The following THSD7B variants were observed in gnomAD, a reference collection of about 807,000 sequenced individuals.
The protein encoded by THSD7B is thrombospondin type 1 domain containing 7B.
In THSD7B, 138 loss-of-function variants were observed where a neutral mutation model predicts 213.6. The observed-to-expected ratio is 0.65, with a 90% confidence interval of 0.56 to 0.74. The LOEUF (loss-of-function observed/expected upper bound fraction) is 0.74, where lower values mean the gene tolerates loss of function less well. Among genes scored for constraint, THSD7B ranks in the 30% least tolerant of loss-of-function variants. THSD7B has a pLI of 0.00. For synonymous variants in THSD7B, 742 were observed against 687.0 expected, an observed-to-expected ratio of 1.08 and a Z score of -1.25; for missense variants, 1,931 against 1,991.5, an observed-to-expected ratio of 0.97 and a Z score of 0.58.
At chr2:137,586,912 A>T (rs1681744747) in intron 17 of THSD7B, among the ~76,000 whole-genome samples, 1 of 152,180 alleles carries the variant, frequency 6.6e-6, no homozygotes, top group Non-Finnish European at 1.5e-5. Context: ...GTTCTCCTGG[A>T]AAATATCCTG....
rs202221814 is a variant in THSD7B, at chr2:137,054,932, GC to G, written c.140-1482del. 5.6e-3 allele frequency among the ~76,000 whole-genome samples: 856 copies of G among 151,986 alleles called. 10 individuals carry two copies. The highest frequency in any genetic ancestry group is 0.024 in the Middle Eastern group (7 of 294). Reference sequence around the variant, plus strand: ...TCGTCTTAATGCTCTCCCCACCCTTGCCCCCCATACCACGACAGGCCCTGGT... The same window carrying G: ...TCGTCTTAATGCTCTCCCCACCCTTGCCCCCATACCACGACAGGCCCTGGT... On this transcript the variant is annotated intron_variant, in intron 2 of 27. Coordinates refer to ENST00000409968, the MANE Select transcript of THSD7B (RefSeq NM_001316349.2).
chr2:136,953,803 G>C (rs910916792), intron 2 of THSD7B, among the ~76,000 whole-genome samples: 1 of 152,112 alleles, frequency 6.6e-6, no homozygotes, highest in Non-Finnish European at 1.5e-5. Flanking sequence ...TCTCCTTTTA[G>C]GGTCTCATGG....
intron 2 of THSD7B, among the ~76,000 whole-genome samples, chr2:136,969,242 T>C (rs1473275841): frequency 6.6e-6 from 1 of 152,202 alleles, no homozygotes; most frequent in Admixed American, 6.5e-5. Flanking sequence ...GAAATCTAGC[T>C]TATCCTCAAG....
At chr2:137,293,640 A>G (rs1017931969) in intron 12 of THSD7B, among the ~76,000 whole-genome samples, 2 of 152,028 alleles carry the variant, frequency 1.3e-5, no homozygotes, top group African/African-American at 2.4e-5. Context: ...AATATTCTGT[A>G]TCGAACAGAA....
intron 15 of THSD7B, among the ~76,000 whole-genome samples, chr2:137,548,797 G>A (rs2105203282): frequency 6.6e-6 from 1 of 152,138 alleles, no homozygotes. Context: ...TAATAGTCCA[G>A]CCATACAAAT....
At position 137,029,452 on chromosome 2, in the gene THSD7B, T is replaced by G. The variant is rs138082944; in HGVS notation, c.140-26968T>G. On this transcript the variant is annotated intron_variant, in intron 2 of 27. Transcript: ENST00000409968. ...TTTACCCTATTGTTTTATATTTAGA[T>G]TATTTCCATTTTTTCACATCTTAAA... is the stretch of plus-strand genomic sequence containing the variant. Among the ~76,000 whole-genome samples the G allele has an allele frequency of 7.2e-3, 1,097 of 152,266 alleles. 8 individuals are homozygous for G. The highest frequency in any genetic ancestry group is 0.037 in the Middle Eastern group (11 of 294).
intron 14 of THSD7B, among the ~76,000 whole-genome samples, chr2:137,441,031 A>G (rs1687397452): frequency 6.6e-6 from 1 of 152,118 alleles, no homozygotes; most frequent in Admixed American, 6.6e-5. Flanking sequence ...TTTTGAAGGT[A>G]GTTGTTTCTA....
At chr2:137,639,641 G>A (rs1016820810) in intron 20 of THSD7B, among the ~76,000 whole-genome samples, 1 of 152,120 alleles carries the variant, frequency 6.6e-6, no homozygotes, top group African/African-American at 2.4e-5. Context: ...CAAGAGGGAG[G>A]CTGTGCCCTG....
intron 7 of THSD7B, among the ~76,000 whole-genome samples, chr2:137,181,699 C>T (rs559546376): frequency 4.6e-5 from 7 of 152,188 alleles, no homozygotes; most frequent in African/African-American, 4.8e-5. Flanking sequence ...TATTTTTCCT[C>T]GTTGTCCTGC....
intron 2 of THSD7B, among the ~76,000 whole-genome samples, chr2:136,896,173 T>C (rs1453577312): frequency 6.6e-6 from 1 of 152,220 alleles, no homozygotes; most frequent in Non-Finnish European, 1.5e-5. Flanking sequence ...CCAACCTGAC[T>C]ATAGTATTTC....
chr2:137,187,043 G>A (rs1427462895), intron 7 of THSD7B, among the ~76,000 whole-genome samples: 39 of 152,052 alleles, frequency 2.6e-4, no homozygotes, highest in Non-Finnish European at 2.4e-4. Context: ...ATTATGCTCA[G>A]AAAATCCAAG....
intron 1 of THSD7B, among the ~76,000 whole-genome samples, chr2:136,867,279 C>A (rs1683348945): frequency 6.6e-6 from 1 of 152,170 alleles, no homozygotes; most frequent in South Asian, 2.1e-4. Context: ...TAACGGACCA[C>A]CATTAATTCA....
At chr2:137,157,577 T>C (rs1186720038) in intron 5 of THSD7B, among the ~76,000 whole-genome samples, 2 of 152,142 alleles carry the variant, frequency 1.3e-5, no homozygotes, top group Non-Finnish European at 2.9e-5. Flanking sequence ...AAGTGTCCTA[T>C]GCAGGGAAGG....
chr2:137,376,303 A>C (rs1685656089), intron 12 of THSD7B, among the ~76,000 whole-genome samples: 1 of 152,216 alleles, frequency 6.6e-6, no homozygotes, highest in African/African-American at 2.4e-5. Context: ...AGGCTTTTTA[A>C]GAATATTACT....
intron 17 of THSD7B, among the ~76,000 whole-genome samples, chr2:137,611,412 A>G (rs1682287259): frequency 6.6e-6 from 1 of 152,084 alleles, no homozygotes; most frequent in African/African-American, 2.4e-5. Flanking sequence ...CACAAGGCTG[A>G]TAGGGTTGGA....
At chr2:137,565,272 G>C (rs953105062) in intron 16 of THSD7B, among the ~76,000 whole-genome samples, 10 of 152,152 alleles carry the variant, frequency 6.6e-5, no homozygotes, top group Admixed American at 3.3e-4. Context: ...GAATACCCAA[G>C]ACTTAGCAAT....
intron 5 of THSD7B, among the ~76,000 whole-genome samples, chr2:137,136,964 T>C (rs1337378779): frequency 3.9e-5 from 6 of 152,222 alleles, no homozygotes; most frequent in Admixed American, 3.9e-4. Flanking sequence ...CTTTCGCCAA[T>C]GTTCTCATCT....
intron 15 of THSD7B, among the ~76,000 whole-genome samples, chr2:137,494,804 A>G (rs1271711017): frequency 1.3e-5 from 2 of 152,152 alleles, no homozygotes; most frequent in African/African-American, 4.8e-5. Context: ...TCTCCCAGTC[A>G]TCTAGAATTA....
chr2:137,099,282 CT>C, intron 4 of THSD7B, among the ~76,000 whole-genome samples: 1 of 152,248 alleles, frequency 6.6e-6, no homozygotes, highest in Admixed American at 6.5e-5. Context: ...CACTTGGGCA[CT>C]TTCCTTTGTC....
Sources: gnomAD v4.1 joint callset for allele counts (sites outside exome capture counted in the v4.1 genomes callset) on GRCh38, gnomAD v4.1.1 for gene constraint, MANE v1.5 for transcripts, NCBI Gene and HGNC (gene_info 2026-07-23, HGNC 2026-07-21) for gene names.